THSD7B: variants seen among roughly 807,000 people sequenced by gnomAD.
The protein encoded by THSD7B is thrombospondin type 1 domain containing 7B.
Under a neutral mutation model 213.6 loss-of-function variants are expected in THSD7B, and 138 were observed. The ratio of observed to expected loss-of-function variants is 0.65; its 90% CI spans 0.56 to 0.74. The LOEUF (loss-of-function observed/expected upper bound fraction) is 0.74, where lower values mean the gene tolerates loss of function less well. Ranked by LOEUF, THSD7B falls within the 30% of genes least tolerant of loss-of-function variation. THSD7B has a pLI of 0.00. For missense variants in THSD7B, 1,931 were observed against 1,991.5 expected, an observed-to-expected ratio of 0.97 and a Z score of 0.58; for synonymous variants, 742 against 687.0, an observed-to-expected ratio of 1.08 and a Z score of -1.25.
chr2:137,269,542 C>A (rs900613211), intron 10 of THSD7B, among the ~76,000 whole-genome samples: 2 of 152,144 alleles, frequency 1.3e-5, no homozygotes, highest in Admixed American at 1.3e-4. Flanking sequence ...TATTTACAGA[C>A]TCCTAAGGTA....
intron 2 of THSD7B, among the ~76,000 whole-genome samples, chr2:137,004,404 A>G (rs534140878): frequency 1.3e-5 from 2 of 152,060 alleles, no homozygotes; most frequent in East Asian, 3.9e-4. Context: ...TCTTTTTACA[A>G]AATTACATTA....
intron 7 of THSD7B, among the ~76,000 whole-genome samples, chr2:137,191,068 G>C (rs899702493): frequency 1.3e-5 from 2 of 152,292 alleles, no homozygotes; most frequent in East Asian, 3.9e-4. Context: ...CCTGGGGCCC[G>C]AGCAGGGTTT....
Position 137,353,964 on chromosome 2 carries a change from T to C in THSD7B, c.2501-51649T>C, listed in dbSNP as rs111452118. Reference sequence around the variant, plus strand: ...ATTAGAAAAGCCAATCTTAAAACCATCTGGCCCACTTTTCTAGTCTCCCAG... The same window carrying C: ...ATTAGAAAAGCCAATCTTAAAACCACCTGGCCCACTTTTCTAGTCTCCCAG... On this transcript the variant is annotated intron_variant, in intron 12 of 27. Coordinates refer to ENST00000409968, the MANE Select transcript of THSD7B (RefSeq NM_001316349.2). 1.9e-3 allele frequency among the ~76,000 whole-genome samples: 286 copies of C among 152,214 alleles called. 2 individuals carry two copies. Among genetic ancestry groups the C allele is most frequent in the African/African-American group, 6.6e-3 (273 of 41,550 alleles).
At chr2:137,475,205 G>A (rs1300485483) in intron 15 of THSD7B, among the ~76,000 whole-genome samples, 12 of 152,066 alleles carry the variant, frequency 7.9e-5, no homozygotes, top group African/African-American at 2.9e-4. Flanking sequence ...TTTGAAAATT[G>A]ATATATAATG....
chr2:137,079,481 C>T (rs1173128183), intron 3 of THSD7B, among the ~76,000 whole-genome samples: 1 of 152,212 alleles, frequency 6.6e-6, no homozygotes, highest in South Asian at 2.1e-4. Context: ...TTATTTGTCT[C>T]TTCTAATGCT....
At chr2:137,534,469 G>T (rs75600292) in intron 15 of THSD7B, among the ~76,000 whole-genome samples, 1 of 151,538 alleles carries the variant, frequency 6.6e-6, no homozygotes, top group Non-Finnish European at 1.5e-5. Flanking sequence ...CAAAATACAG[G>T]TTCTCTGAGG....
intron 12 of THSD7B, among the ~76,000 whole-genome samples, chr2:137,294,583 C>CAAA (rs1210363889): frequency 3.4e-4 from 25 of 73,172 alleles, no homozygotes; most frequent in African/African-American, 5.4e-4. Context: ...AACTCCATCT[C>CAAA]AAAAAAAAAA....
chr2:137,626,369 CAGG>C (rs1324414256), intron 20 of THSD7B, among the ~76,000 whole-genome samples: 1 of 150,058 alleles, frequency 6.7e-6, no homozygotes, highest in African/African-American at 2.5e-5. Context: ...GAGGCTGAGG[CAGG>C]AGAATGGCGT....
intron 12 of THSD7B, among the ~76,000 whole-genome samples, chr2:137,374,764 C>G (rs1264431439): frequency 6.6e-6 from 1 of 152,186 alleles, no homozygotes; most frequent in African/African-American, 2.4e-5. Context: ...ACTCTACATG[C>G]TTGTGCCCAT....
chr2:137,589,809 A>G (rs117277082), intron 17 of THSD7B, among the ~76,000 whole-genome samples: 2,575 of 152,276 alleles, frequency 0.017, 72 homozygotes, highest in East Asian at 0.077. Context: ...TTGCAATTAT[A>G]TACTGGTTAT....
intron 4 of THSD7B, among the ~76,000 whole-genome samples, chr2:137,098,238 T>A (rs1335658570): frequency 6.6e-6 from 1 of 152,162 alleles, no homozygotes; most frequent in East Asian, 1.9e-4. Flanking sequence ...TAAAAAATCT[T>A]TTAGAATACC....
intron 2 of THSD7B, among the ~76,000 whole-genome samples, chr2:137,017,504 T>C (rs1686364030): frequency 6.6e-6 from 1 of 152,068 alleles, no homozygotes; most frequent in Non-Finnish European, 1.5e-5. Flanking sequence ...GATGACCTGG[T>C]TTATAAGGTA....
At chr2:137,321,333 A>G (rs1479036460) in intron 12 of THSD7B, among the ~76,000 whole-genome samples, 1 of 152,208 alleles carries the variant, frequency 6.6e-6, no homozygotes, top group Admixed American at 6.5e-5. Context: ...TTAAACTGGA[A>G]GAATCTAAAA....
rs1481058173 is a variant in THSD7B at position 137,668,446 on chromosome 2, C to A, written c.4739+585C>A. Among the ~76,000 whole-genome samples, 132 of 141,718 alleles carry A rather than the reference C, an allele frequency of 9.3e-4. 1 individual carries two copies. Among genetic ancestry groups the A allele is most frequent in the South Asian group, 1.3e-3 (6 of 4,512 alleles). 93.0% of individuals were successfully genotyped at this position (141,718 alleles called of 152,430 possible). A position where few individuals can be genotyped will look rare whatever the true frequency, so the allele number is the denominator to read the frequency against. ...ACAAAATTTAACTGATGGTCATTTG[C>A]AAAAAAAAAAAACCATTTTGTAAAG... On this transcript the variant is annotated intron_variant, in intron 27 of 27. Coordinates refer to ENST00000409968, the MANE Select transcript of THSD7B (RefSeq NM_001316349.2).
intron 2 of THSD7B, among the ~76,000 whole-genome samples, chr2:137,054,392 T>A (rs1687122300): frequency 6.6e-6 from 1 of 152,188 alleles, no homozygotes; most frequent in African/African-American, 2.4e-5. Context: ...ATGCCAGGTG[T>A]ATATGGCTAG....
chr2:137,465,639 C>T (rs1361111862), intron 15 of THSD7B, among the ~76,000 whole-genome samples: 3 of 152,080 alleles, frequency 2.0e-5, no homozygotes, highest in Non-Finnish European at 4.4e-5. Flanking sequence ...ATTGTTCTTT[C>T]CTACTTTGAA....
intron 1 of THSD7B, among the ~76,000 whole-genome samples, chr2:136,836,433 G>A (rs1682843697): frequency 6.6e-6 from 1 of 152,130 alleles, no homozygotes; most frequent in African/African-American, 2.4e-5. Context: ...CTAGTCCTGT[G>A]GCTAGCAGGG....
chr2:137,601,067 G>T (rs1682067786), intron 17 of THSD7B, among the ~76,000 whole-genome samples: 1 of 152,140 alleles, frequency 6.6e-6, no homozygotes, highest in Non-Finnish European at 1.5e-5. Context: ...CAACGTGTTT[G>T]TGTTTTATGC....
At chr2:137,228,580 T>G (rs796924112) in intron 7 of THSD7B, among the ~76,000 whole-genome samples, 11 of 152,308 alleles carry the variant, frequency 7.2e-5, no homozygotes, top group African/African-American at 2.6e-4. Flanking sequence ...CCTTCAGTAT[T>G]AACTATCTTC....
Sources: gnomAD v4.1 joint callset for allele counts (sites outside exome capture counted in the v4.1 genomes callset) on GRCh38, gnomAD v4.1.1 for gene constraint, MANE v1.5 for transcripts, NCBI Gene and HGNC (gene_info 2026-07-23, HGNC 2026-07-21) for gene names.